Variants in GRIN2A observed in about 807,000 individuals in gnomAD.
The protein encoded by GRIN2A is glutamate receptor ionotropic, NMDA 2A.
In GRIN2A, 22 loss-of-function variants were observed where a neutral mutation model predicts 113.4. The observed-to-expected ratio is 0.19, with a 90% confidence interval of 0.14 to 0.28. The LOEUF (loss-of-function observed/expected upper bound fraction) is 0.28, where lower values mean the gene tolerates loss of function less well. Ranked by LOEUF, GRIN2A falls within the 10% of genes least tolerant of loss-of-function variation. The probability of loss-of-function intolerance (pLI) is 1.00; values close to 1 mark genes in which losing one functional copy is unlikely to be tolerated. For missense variants in GRIN2A, 1,502 were observed against 1,887.0 expected, an observed-to-expected ratio of 0.80 and a Z score of 3.78; for synonymous variants, 827 against 738.4, an observed-to-expected ratio of 1.12 and a Z score of -1.94.
chr16:9,931,764 C>A (rs1020891988), intron 3 of GRIN2A, among the ~76,000 whole-genome samples: 9 of 152,176 alleles, frequency 5.9e-5, no homozygotes, highest in Non-Finnish European at 1.0e-4. Flanking sequence ...CACACACGCA[C>A]ACAAAAATGC....
intron 10 of GRIN2A, among the ~76,000 whole-genome samples, 166 bp from the exon 11 acceptor site, chr16:9,798,630 G>T (rs1279532042): frequency 6.6e-6 from 1 of 152,152 alleles, no homozygotes; most frequent in African/African-American, 2.4e-5. Context: ...TTTTAATGAG[G>T]AGATAAAAGC....
At chr16:9,807,890 A>G (rs1336409823) in intron 10 of GRIN2A, among the ~76,000 whole-genome samples, 5 of 152,172 alleles carry the variant, frequency 3.3e-5, no homozygotes, top group East Asian at 1.9e-4. Flanking sequence ...TCTGTCTCCT[A>G]TGTTTATGCA....
At chr16:9,777,358 C>T (rs959508240) in intron 11 of GRIN2A, among the ~76,000 whole-genome samples, 4 of 152,176 alleles carry the variant, frequency 2.6e-5, no homozygotes, top group African/African-American at 4.8e-5. Context: ...TCTGTTCTCA[C>T]GATCTCAGAG....
chr16:10,076,747 A>G (rs896789357), intron 2 of GRIN2A, among the ~76,000 whole-genome samples: 3 of 152,224 alleles, frequency 2.0e-5, no homozygotes, highest in African/African-American at 7.2e-5. Flanking sequence ...AGCACTGTGA[A>G]CATTCCATCT....
At chr16:10,086,309 G>A (rs1468064410) in intron 2 of GRIN2A, among the ~76,000 whole-genome samples, 2 of 152,128 alleles carry the variant, frequency 1.3e-5, no homozygotes, top group East Asian at 3.9e-4. Flanking sequence ...TGGGCCACAG[G>A]AATGCTCAAC....
In GRIN2A at chr16:9,758,689, T is replaced by C. The variant is rs1392964139; in HGVS notation, c.*4460A>G. On this transcript the variant is annotated 3_prime_UTR_variant, in exon 13 of 13. Coordinates refer to ENST00000330684, the MANE Select transcript of GRIN2A (RefSeq NM_001134407.3). ...AGTGCATTTGATCATCTCTGATCTATATCAAGTGGCAAGCTGACCTCATCT... is the reference window on the plus strand; with the variant it reads ...AGTGCATTTGATCATCTCTGATCTACATCAAGTGGCAAGCTGACCTCATCT... The C allele has an allele frequency of 4.6e-6, 1 of 215,858 alleles. No individual in the cohort carries two copies. Among genetic ancestry groups the C allele is most frequent in the Non-Finnish European group, 9.3e-6 (1 of 107,034 alleles). The allele number at this position is 215,858 out of a possible 1,614,324, so 13.4% of individuals were successfully genotyped here. A position where few individuals can be genotyped will look rare whatever the true frequency, so the allele number is the denominator to read the frequency against.
chr16:9,892,735 G>C lies in GRIN2A; in HGVS notation c.1008-1635C>G, dbSNP rs527836329. Among the ~76,000 whole-genome samples, 10 of 152,168 alleles carry C rather than the reference G, an allele frequency of 6.6e-5. No individual in the cohort carries two copies. In the South Asian group the frequency reaches 1.9e-3, roughly 28 times the overall value. On this transcript the variant is annotated intron_variant, in intron 3 of 12. Coordinates refer to ENST00000330684, the MANE Select transcript of GRIN2A (RefSeq NM_001134407.3). The stretch of plus-strand genomic sequence containing the variant: ...TCATCTCCCAGATTTCGGGTGAGAG[G>C]TTCCCCAAGGGATCCGCTCTCCTTG...
intron 11 of GRIN2A, among the ~76,000 whole-genome samples, chr16:9,785,887 A>G (rs950703916): frequency 2.6e-5 from 4 of 152,194 alleles, no homozygotes; most frequent in Admixed American, 2.0e-4. Context: ...GGAGTGTTTA[A>G]TCATTTTTAT....
chr16:9,819,155 A>C (rs1018310598), intron 10 of GRIN2A, among the ~76,000 whole-genome samples: 26 of 152,184 alleles, frequency 1.7e-4, no homozygotes, highest in Admixed American at 1.4e-3. Context: ...TGTGCAGGGA[A>C]AACTTTTCAC....
intron 11 of GRIN2A, among the ~76,000 whole-genome samples, chr16:9,776,148 A>G (rs1289913366): frequency 2.0e-5 from 3 of 152,150 alleles, no homozygotes; most frequent in African/African-American, 7.2e-5. Context: ...GCTGCATGGT[A>G]TTTGTGCTGA....
intron 3 of GRIN2A, among the ~76,000 whole-genome samples, chr16:9,914,048 G>T (rs1567172675): frequency 6.6e-6 from 1 of 151,548 alleles, no homozygotes; most frequent in Admixed American, 6.6e-5. Context: ...TAGAATAGAG[G>T]CTCCCAAGAA....
intron 8 of GRIN2A, among the ~76,000 whole-genome samples, chr16:9,830,789 G>A (rs914170962): frequency 1.3e-5 from 2 of 152,170 alleles, no homozygotes; most frequent in African/African-American, 4.8e-5. Context: ...AGAGAAAGCA[G>A]TTAATTCTCT....
chr16:9,923,602 G>C (rs1354962460), intron 3 of GRIN2A, among the ~76,000 whole-genome samples: 1 of 151,644 alleles, frequency 6.6e-6, no homozygotes, highest in Non-Finnish European at 1.5e-5. Flanking sequence ...GGTTTGTTTA[G>C]AGTTTATAGT....
At chr16:9,855,034 C>T (rs1183618032) in intron 4 of GRIN2A, among the ~76,000 whole-genome samples, 1 of 150,232 alleles carries the variant, frequency 6.7e-6, no homozygotes, top group Non-Finnish European at 1.5e-5. Flanking sequence ...GTGCTGTATA[C>T]ATGTACATGT....
At chr16:10,027,644 T>G (rs974584407) in intron 2 of GRIN2A, 2 of 152,626 alleles carry the variant, frequency 1.3e-5, no homozygotes, top group African/African-American at 4.8e-5. Flanking sequence ...CAGTGAGACA[T>G]GAGGAGTCCT....
At chr16:10,067,001 C>A (rs980611479) in intron 2 of GRIN2A, among the ~76,000 whole-genome samples, 1 of 152,150 alleles carries the variant, frequency 6.6e-6, no homozygotes, top group Non-Finnish European at 1.5e-5. Context: ...CCCTAGCTCA[C>A]GATATTTTAA....
At position 9,758,137 on chromosome 16, in the gene GRIN2A, G is replaced by A. The variant is rs1900434609; in HGVS notation, c.*5012C>T. The A allele has an allele frequency of 4.7e-6, 1 of 215,038 alleles. No homozygotes were observed. Among genetic ancestry groups the A allele is most frequent in the Non-Finnish European group, 9.4e-6 (1 of 106,592 alleles). The allele number at this position is 215,038 out of a possible 1,614,324, so 13.3% of individuals were successfully genotyped here. A position where few individuals can be genotyped will look rare whatever the true frequency, so the allele number is the denominator to read the frequency against. On this transcript the variant is annotated 3_prime_UTR_variant, in exon 13 of 13. Coordinates refer to ENST00000330684, the MANE Select transcript of GRIN2A (RefSeq NM_001134407.3). ...TCCCCTTCTCCTAACTTTTGGTGTG[G>A]TTCTACGAACTCTATTTTTCTAAGA... is the stretch of plus-strand genomic sequence containing the variant.
intron 2 of GRIN2A, chr16:10,121,519 C>T (rs1047972642): frequency 1.3e-5 from 2 of 152,090 alleles, no homozygotes; most frequent in Admixed American, 6.5e-5. Flanking sequence ...GTTCTTGTGA[C>T]CATGGAAATC....
intron 4 of GRIN2A, among the ~76,000 whole-genome samples, chr16:9,854,507 G>A (rs1596500826): frequency 6.6e-6 from 1 of 152,256 alleles, no homozygotes; most frequent in Admixed American, 6.5e-5. Context: ...ACAGTGGCAT[G>A]GAGTATGTAT....
Sources: allele counts gnomAD v4.1 joint callset (sites outside exome capture counted in the v4.1 genomes callset), GRCh38; gene constraint gnomAD v4.1.1; transcripts MANE v1.5; gene names NCBI Gene and HGNC (gene_info 2026-07-23, HGNC 2026-07-21).